NELL2: variants seen among roughly 807,000 people sequenced by gnomAD.
The protein encoded by NELL2 is protein kinase C-binding protein NELL2.
In NELL2, 41 loss-of-function variants were observed where a neutral mutation model predicts 109.6. The observed-to-expected ratio is 0.37, with a 90% CI of 0.29 to 0.49. The LOEUF is 0.49. NELL2 is among the 20% of genes least tolerant of loss of function. The pLI, the probability that NELL2 is intolerant of heterozygous loss-of-function variation, is 0.98. For missense variants in NELL2, 900 were observed against 1,008.3 expected (o/e 0.89, Z 1.45); for synonymous variants, 355 against 344.7 (o/e 1.03, Z -0.33).
chr12:44,890,080 C>A (rs540154343), intron 1 of NELL2, among the ~76,000 whole-genome samples: 1 of 152,312 alleles, frequency 6.6e-6, no homozygotes, highest in African/African-American at 2.4e-5. Flanking sequence ...TGTCTGTTCA[C>A]ATGTATCATT....
intron 1 of NELL2, among the ~76,000 whole-genome samples, chr12:44,892,479 C>A (rs944914049): frequency 6.6e-6 from 1 of 152,112 alleles, no homozygotes; most frequent in African/African-American, 2.4e-5. Context: ...TAAGGTAAAT[C>A]TTCTTCTTAT....
intron 19 of NELL2, among the ~76,000 whole-genome samples, chr12:44,518,164 T>G (rs1339556511): frequency 6.6e-6 from 1 of 152,146 alleles, no homozygotes; most frequent in African/African-American, 2.4e-5. Context: ...CAAAATACAC[T>G]TTCTGGAATA....
intron 18 of NELL2, among the ~76,000 whole-genome samples, chr12:44,521,320 G>C (rs1363051560): frequency 6.6e-6 from 1 of 152,028 alleles, no homozygotes; most frequent in Non-Finnish European, 1.5e-5. Context: ...CACGAGGTCA[G>C]GAGATCGAGA....
At chr12:44,876,588 G>A, upstream of NELL2, 1 of 1,535,418 alleles carries the variant, frequency 6.5e-7, no homozygotes, top group Non-Finnish European at 8.8e-7. Context: ...CTAAGTTGAT[G>A]GGCGGTCTTT....
At chr12:44,517,424 T>C (rs1181341335) in intron 19 of NELL2, among the ~76,000 whole-genome samples, 3 of 142,216 alleles carry the variant, frequency 2.1e-5, no homozygotes, top group African/African-American at 7.7e-5. Flanking sequence ...TCTCTCTCGT[T>C]CCCACTCTTG....
chr12:44,597,716 C>T (rs190851841), intron 15 of NELL2, among the ~76,000 whole-genome samples: 228 of 152,218 alleles, frequency 1.5e-3, no homozygotes, highest in African/African-American at 5.3e-3. Flanking sequence ...AACACAAAAT[C>T]ATAGGTTCCA....
At chr12:44,625,430 T>C (rs1201406257) in intron 13 of NELL2, among the ~76,000 whole-genome samples, 1 of 152,148 alleles carries the variant, frequency 6.6e-6, no homozygotes, top group East Asian at 1.9e-4. Flanking sequence ...GATGTGCAAA[T>C]GCAACTTCAA....
At chr12:44,690,382 G>C (rs548789425) in intron 12 of NELL2, among the ~76,000 whole-genome samples, 2 of 152,170 alleles carry the variant, frequency 1.3e-5, no homozygotes, top group East Asian at 3.9e-4. Context: ...TTCAAATTTT[G>C]TATGCACAGA....
chr12:44,601,767 C>G (rs1273911845), intron 15 of NELL2, among the ~76,000 whole-genome samples: 1 of 152,016 alleles, frequency 6.6e-6, no homozygotes, highest in East Asian at 1.9e-4. Context: ...TAGAACAAAC[C>G]CATGAGATAG....
chr12:44,794,425 G>A (rs184195189), intron 3 of NELL2, among the ~76,000 whole-genome samples: 274 of 152,224 alleles, frequency 1.8e-3, no homozygotes, highest in African/African-American at 6.3e-3. Flanking sequence ...CAACAAACAC[G>A]CTTTCCTGAG....
intron 13 of NELL2, among the ~76,000 whole-genome samples, chr12:44,649,007 C>A (rs1171032468): frequency 6.6e-6 from 1 of 150,846 alleles, no homozygotes; most frequent in African/African-American, 2.4e-5. Context: ...CTCAGGCAAT[C>A]CGCCCACCTT....
At chr12:44,849,002 A>G (rs1944454767) in intron 2 of NELL2, among the ~76,000 whole-genome samples, 1 of 152,216 alleles carries the variant, frequency 6.6e-6, no homozygotes, top group Non-Finnish European at 1.5e-5. Context: ...TGGCCCATGT[A>G]AGCAAAACGA....
intron 13 of NELL2, among the ~76,000 whole-genome samples, chr12:44,650,574 T>C (rs558679410): frequency 1.1e-4 from 17 of 152,112 alleles, no homozygotes; most frequent in African/African-American, 4.1e-4. Flanking sequence ...GGATTACAGG[T>C]GTAAACTACC....
chr12:44,717,698 T>C (rs1335578561), intron 9 of NELL2, among the ~76,000 whole-genome samples: 1 of 152,258 alleles, frequency 6.6e-6, no homozygotes, highest in East Asian at 1.9e-4. Context: ...GCCAGAATTA[T>C]GGAGGAGAGG....
chr12:44,670,158 T>C (rs1426027150), intron 12 of NELL2, among the ~76,000 whole-genome samples: 1 of 152,052 alleles, frequency 6.6e-6, no homozygotes, highest in Non-Finnish European at 1.5e-5. Flanking sequence ...CCCTCAAAAA[T>C]GAAGGGTAAA....
Position 44,763,188 on chromosome 12 carries a change from C to T in NELL2, c.994+11559G>A, listed in dbSNP as rs142621565. ...GTACAATGTGCATCTTGTTCTATAC[C>T]AGCCCACTCCCTCCCTTCTTTCCAA... On this transcript the variant is annotated intron_variant, in intron 9 of 19. Coordinates refer to ENST00000429094, the MANE Select transcript of NELL2 (RefSeq NM_001145108.2). Among the ~76,000 whole-genome samples, 565 of 152,162 alleles carry T rather than the reference C, an allele frequency of 3.7e-3. 7 individuals carry two copies. Among genetic ancestry groups the T allele is most frequent in the African/African-American group, 0.013 (533 of 41,510 alleles).
intron 15 of NELL2, among the ~76,000 whole-genome samples, chr12:44,536,269 C>T (rs1942290822): frequency 6.6e-6 from 1 of 151,842 alleles, no homozygotes; most frequent in Admixed American, 6.6e-5. Context: ...AAAGCTGATC[C>T]ACAATTTATG....
rs373338169 is a variant in NELL2 at position 44,777,299 on chromosome 12, C to T, written c.622G>A (p.Val208Ile). The stretch of plus-strand genomic sequence containing the variant: ...CCCTGGGGCATGACAAGTAATTGGA[C>T]ATCTTGCATTATACCCTGTGTGTGA... Reference protein sequence around the residue: ...HGYFKGIMQDVQLLVMPQGFI... With the variant: ...HGYFKGIMQDIQLLVMPQGFI... The change falls in exon 6 of 20, where the codon GTC (valine) becomes ATC (isoleucine). Residue 208 changes from valine (V) to isoleucine (I), a missense_variant. Coordinates refer to ENST00000429094, the MANE Select transcript of NELL2 (RefSeq NM_001145108.2). 1 of 1,613,152 alleles carries T rather than the reference C, an allele frequency of 6.2e-7. No individual in the cohort carries two copies. Among genetic ancestry groups the T allele is most frequent in the African/African-American group, 1.3e-5 (1 of 74,886 alleles).
intron 15 of NELL2, among the ~76,000 whole-genome samples, chr12:44,554,108 C>A (rs1371850253): frequency 6.6e-6 from 1 of 152,174 alleles, no homozygotes; most frequent in Non-Finnish European, 1.5e-5. Flanking sequence ...CATGAGGAAT[C>A]TGCAGAATGG....
Sources: allele counts gnomAD v4.1 joint callset (sites outside exome capture counted in the v4.1 genomes callset), GRCh38; gene constraint gnomAD v4.1.1; transcripts MANE v1.5; gene names NCBI Gene and HGNC (gene_info 2026-07-23, HGNC 2026-07-21).